EXOC6B: variants seen among roughly 807,000 people sequenced by gnomAD.
The protein encoded by EXOC6B is exocyst complex component 6B, also known as SEC15 homolog B.
A neutral mutation model predicts 113.5 loss-of-function variants in EXOC6B; 54 were observed. The observed-to-expected ratio is 0.48, with a 90% CI of 0.38 to 0.60. EXOC6B has a LOEUF of 0.60. EXOC6B is among the 20% of genes least tolerant of loss of function. EXOC6B has a pLI of 0.00. For missense variants in EXOC6B, 797 were observed against 977.5 expected, an observed-to-expected ratio of 0.82 and a Z score of 2.46; for synonymous variants, 357 against 339.0, an observed-to-expected ratio of 1.05 and a Z score of -0.58.
intron 6 of EXOC6B, among the ~76,000 whole-genome samples, chr2:72,608,509 A>G (rs909280323): frequency 7.2e-5 from 11 of 152,118 alleles, no homozygotes; most frequent in Admixed American, 5.9e-4. Flanking sequence ...TCTCCTCCCC[A>G]AAATAGTCAA....
chr2:72,374,181 T>C (rs1209351209), intron 19 of EXOC6B, among the ~76,000 whole-genome samples: 1 of 152,214 alleles, frequency 6.6e-6, no homozygotes, highest in East Asian at 1.9e-4. Context: ...CTGCTAGGTA[T>C]TTATTCAAAT....
At chr2:72,261,056 T>C (rs761667533) in intron 20 of EXOC6B, among the ~76,000 whole-genome samples, 6 of 152,092 alleles carry the variant, frequency 3.9e-5, no homozygotes, top group Non-Finnish European at 8.8e-5. Context: ...GTTCCAAACA[T>C]ACTCTTGCAG....
intron 8 of EXOC6B, among the ~76,000 whole-genome samples, chr2:72,541,738 G>C (rs1035799350): frequency 1.3e-5 from 2 of 152,066 alleles, no homozygotes; most frequent in African/African-American, 4.8e-5. Flanking sequence ...AGTGTGTTCA[G>C]GTTGTGAAAA....
intron 6 of EXOC6B, among the ~76,000 whole-genome samples, chr2:72,653,787 C>T (rs1020589987): frequency 1.3e-5 from 2 of 151,664 alleles, no homozygotes; most frequent in African/African-American, 4.8e-5. Context: ...TATATTTTTC[C>T]CATATATATG....
chr2:72,237,195 G>A (rs1251982024), intron 20 of EXOC6B, among the ~76,000 whole-genome samples: 5 of 152,130 alleles, frequency 3.3e-5, no homozygotes, highest in South Asian at 2.1e-4. Context: ...ATGAGGCTGT[G>A]GGAATACAAA....
chr2:72,305,006 A>G (rs1188507761), intron 20 of EXOC6B, among the ~76,000 whole-genome samples: 1 of 152,230 alleles, frequency 6.6e-6, no homozygotes, highest in Non-Finnish European at 1.5e-5. Flanking sequence ...TAAAAGATCA[A>G]GAAGTTCCTG....
rs1573707329 is a variant in EXOC6B at position 72,732,202 on chromosome 2, G to A, written c.327+869C>T. 2.0e-5 allele frequency among the ~76,000 whole-genome samples: 3 copies of A among 152,122 alleles called. No individual in the cohort carries two copies. In the South Asian group the frequency reaches 6.2e-4, roughly 32 times the overall value. On this transcript the variant is annotated intron_variant, in intron 3 of 21. Coordinates refer to ENST00000272427, the MANE Select transcript of EXOC6B (RefSeq NM_015189.3). ...TCCCTTTGTCACCCAGGCTGAGAGT[G>A]CAGTGGCGCAATCATGCCTCAATGC...
chr2:72,388,482 T>C (rs1450386873), intron 18 of EXOC6B, among the ~76,000 whole-genome samples: 4 of 152,144 alleles, frequency 2.6e-5, no homozygotes, highest in Non-Finnish European at 5.9e-5. Context: ...TCTAGCTTAG[T>C]GAATATTCCA....
rs542715459 is a variant in EXOC6B, at chr2:72,742,917, G to C, written c.114-1448C>G. Among the ~76,000 whole-genome samples, 12 of 152,118 alleles carry C rather than the reference G, an allele frequency of 7.9e-5. 1 individual carries two copies. In the South Asian group the frequency reaches 2.5e-3, roughly 32 times the overall value. ...TTTAATTCCAATTGGGTTTTTAAAAGCCATCTCAGTATTTAACGTAGAAAA... is the reference window on the plus strand; with the variant it reads ...TTTAATTCCAATTGGGTTTTTAAAACCCATCTCAGTATTTAACGTAGAAAA... On this transcript the variant is annotated intron_variant, in intron 1 of 21. Coordinates refer to ENST00000272427, the MANE Select transcript of EXOC6B (RefSeq NM_015189.3).
In EXOC6B at chr2:72,362,803, T is replaced by G. The variant is rs112102730; in HGVS notation, c.2122+16926A>C. Among the ~76,000 whole-genome samples the G allele has an allele frequency of 9.6e-3, 1,461 of 152,276 alleles. 23 individuals carry two copies. Among genetic ancestry groups the G allele is most frequent in the African/African-American group, 0.033 (1,351 of 41,566 alleles). On this transcript the variant is annotated intron_variant, in intron 19 of 21. Coordinates refer to ENST00000272427, the MANE Select transcript of EXOC6B (RefSeq NM_015189.3). ...ATTTAAAATCCATGATTTCTCATCT[T>G]AACTCCAGCCTCCAACCATGGTATT...
At chr2:72,249,667 T>C (rs946804705) in intron 20 of EXOC6B, among the ~76,000 whole-genome samples, 1 of 152,176 alleles carries the variant, frequency 6.6e-6, no homozygotes, top group Non-Finnish European at 1.5e-5. Flanking sequence ...AACATCAGTA[T>C]CTACAAAAGT....
chr2:72,593,933 C>T (rs983911466), intron 6 of EXOC6B, among the ~76,000 whole-genome samples: 8 of 152,116 alleles, frequency 5.3e-5, no homozygotes, highest in African/African-American at 1.9e-4. Context: ...AACACAGGGA[C>T]TGTTCGTTCC....
chr2:72,458,071 G>A (rs1697359107), intron 18 of EXOC6B, among the ~76,000 whole-genome samples: 1 of 152,064 alleles, frequency 6.6e-6, no homozygotes, highest in Non-Finnish European at 1.5e-5. Flanking sequence ...ATTCCAAAAT[G>A]TAAGAGAACA....
chr2:72,345,888 G>A (rs564755415), intron 19 of EXOC6B, among the ~76,000 whole-genome samples: 5 of 152,240 alleles, frequency 3.3e-5, no homozygotes, highest in African/African-American at 4.8e-5. Flanking sequence ...TGCCACTCTC[G>A]TGCAGGGTGT....
chr2:72,600,084 A>G (rs1304293097), intron 6 of EXOC6B, among the ~76,000 whole-genome samples: 5 of 152,174 alleles, frequency 3.3e-5, no homozygotes, highest in Admixed American at 1.3e-4. Flanking sequence ...CAGAATAGCC[A>G]ACATAATACT....
intron 20 of EXOC6B, among the ~76,000 whole-genome samples, chr2:72,257,988 C>A (rs749722003): frequency 3.9e-5 from 6 of 152,202 alleles, no homozygotes; most frequent in Admixed American, 1.3e-4. Flanking sequence ...TCTCTGGGAA[C>A]TTCCATCCTG....
In EXOC6B at chr2:72,644,240, T is replaced by G. The variant is rs1042330717; in HGVS notation, c.670-68572A>C. 3.0e-4 allele frequency among the ~76,000 whole-genome samples: 46 copies of G among 151,954 alleles called. 2 individuals are homozygous for G. Among genetic ancestry groups the G allele is most frequent in the Non-Finnish European group, 2.9e-5 (2 of 68,002 alleles). ...AATGAAATGAAGCAAGAAGATAAGT[T>G]TAGAGAAAAAACAGCAAAAAGAAAT... On this transcript the variant is annotated intron_variant, in intron 6 of 21. Transcript: ENST00000272427.
At chr2:72,566,667 T>C (rs1172241824) in intron 7 of EXOC6B, among the ~76,000 whole-genome samples, 1 of 152,120 alleles carries the variant, frequency 6.6e-6, no homozygotes, top group Non-Finnish European at 1.5e-5. Context: ...CCATTTGCTC[T>C]ATATCCTTGA....
At position 72,178,277 on chromosome 2, in the gene EXOC6B, T is replaced by C. The variant is rs1271080142; in HGVS notation, c.*1058A>G. The C allele has an allele frequency of 1.3e-5, 2 of 152,246 alleles. No individual in the cohort carries two copies. Among genetic ancestry groups the C allele is most frequent in the Admixed American group, 6.5e-5 (1 of 15,284 alleles). 9.4% of individuals were successfully genotyped at this position (152,246 alleles called of 1,614,324 possible). ...AGTCCAGGCATGGCTGCCCCCACAG[T>C]GCAGAGCTGGTGACATTTCCTTAAA... On this transcript the variant is annotated 3_prime_UTR_variant, in exon 22 of 22. Coordinates refer to ENST00000272427, the MANE Select transcript of EXOC6B (RefSeq NM_015189.3).
Sources: gnomAD v4.1 joint callset for allele counts (sites outside exome capture counted in the v4.1 genomes callset) on GRCh38, gnomAD v4.1.1 for gene constraint, MANE v1.5 for transcripts, NCBI Gene and HGNC (gene_info 2026-07-23, HGNC 2026-07-21) for gene names.